LRP1: variants seen among roughly 807,000 people sequenced by gnomAD.
The protein encoded by LRP1 is LDL receptor related protein 1, also known as prolow-density lipoprotein receptor-related protein 1.
Under a neutral mutation model 541.5 loss-of-function variants are expected in LRP1, and 51 were observed. That is an observed-to-expected ratio of 0.09 (90% CI 0.08 to 0.12). LRP1 has a LOEUF of 0.12. Ranked by LOEUF, LRP1 falls within the 10% of genes least tolerant of loss-of-function variation. The probability of loss-of-function intolerance (pLI) is 1.00; values close to 1 mark genes in which losing one functional copy is unlikely to be tolerated. For missense variants in LRP1, 3,878 were observed against 6,376.2 expected, an observed-to-expected ratio of 0.61 and a Z score of 13.34; for synonymous variants, 2,219 against 2,470.8, an observed-to-expected ratio of 0.90 and a Z score of 3.02.
At chr12:57,200,640 A>C (rs1592656762) in intron 63 of LRP1, 59 bp from the exon 64 acceptor site, 1 of 1,552,308 alleles carries the variant, frequency 6.4e-7, no homozygotes, top group Non-Finnish European at 8.9e-7. Context: ...GGTGCCCTGC[A>C]AGTGGACCTG....
At position 57,173,053 on chromosome 12, in the gene LRP1, G is replaced by A; in HGVS notation, c.3164-115G>A. The stretch of plus-strand genomic sequence containing the variant: ...CAGCAAAGCTTGGCAGACTCTCCAG[G>A]CCTGCCTCTGCTCATATCCCCAGGC... On this transcript the variant is annotated intron_variant, in intron 20 of 88. Coordinates refer to ENST00000243077, the MANE Select transcript of LRP1 (RefSeq NM_002332.3). The surrounding 1 kb of genome is among the most constrained non-coding windows in gnomAD (Gnocchi z 4.7). 2 of 802,246 alleles carry A rather than the reference G, an allele frequency of 2.5e-6. No individual in the cohort carries two copies. The highest frequency in any genetic ancestry group is 3.9e-6 in the Non-Finnish European group (2 of 516,130). The allele number at this position is 802,246 out of a possible 1,614,324, so 49.7% of individuals were successfully genotyped here.
chr12:57,212,459 G>A lies in LRP1; in HGVS notation c.13539G>A (p.Gly4513=). Residue 4513 remains glycine (G), a synonymous_variant, in exon 89 of 89, where the codon GGG becomes GGA. Transcript: ENST00000243077. This position sits in a 1 kb window ranked among gnomAD's most constrained non-coding sequence, Gnocchi z 5.0. ...TNPVYATLYM[G]GHGSRHSLAS... is the part of the protein sequence containing the mutation. Reference sequence around the variant, plus strand: ...CCGTGTATGCCACACTCTACATGGGGGGCCATGGCAGTCGCCACTCCCTGG... The same window carrying A: ...CCGTGTATGCCACACTCTACATGGGAGGCCATGGCAGTCGCCACTCCCTGG... The A allele has an allele frequency of 6.2e-7, 1 of 1,614,122 alleles. No homozygotes were observed. The highest frequency in any genetic ancestry group is 8.5e-7 in the Non-Finnish European group (1 of 1,179,998).
intron 1 of LRP1, 175 bp downstream of exon 1, chr12:57,129,206 G>C: frequency 1.5e-6 from 1 of 649,396 alleles, no homozygotes; most frequent in Non-Finnish European, 2.7e-6. Flanking sequence ...TTGGGGGATG[G>C]GGGCCCTGGG....
chr12:57,130,971 C>A (rs1181421790), intron 1 of LRP1, among the ~76,000 whole-genome samples: 1 of 152,172 alleles, frequency 6.6e-6, no homozygotes, highest in Non-Finnish European at 1.5e-5. Flanking sequence ...ATCAGCTCCA[C>A]CCCACTCTTG....
rs2036205331 is a variant in LRP1 at position 57,183,338 on chromosome 12, G to A, written c.5663-41G>A. The A allele has an allele frequency of 1.9e-6, 3 of 1,581,562 alleles. No homozygotes were observed. Among genetic ancestry groups the A allele is most frequent in the Non-Finnish European group, 1.7e-6 (2 of 1,157,110 alleles). On this transcript the variant is annotated intron_variant, in intron 34 of 88. Transcript: ENST00000243077. This position sits in a 1 kb window ranked among gnomAD's most constrained non-coding sequence, Gnocchi z 6.1. ...GGTGACAGGAACCAAGTTTAAGGGA[G>A]TGTTGGCGATACCCATGCCTTAAGT...
chr12:57,212,326 G>A lies in LRP1; in HGVS notation c.13494+65G>A. ...GTGGGTGGCCTAACCAAAGGTGTTG[G>A]GTTAGGTGAGGGACGGAGGTGGGGG... On this transcript the variant is annotated intron_variant, in intron 88 of 88. Coordinates refer to ENST00000243077, the MANE Select transcript of LRP1 (RefSeq NM_002332.3). The surrounding 1 kb of genome is among the most constrained non-coding windows in gnomAD (Gnocchi z 5.0). 1 of 1,613,238 alleles carries A rather than the reference G, an allele frequency of 6.2e-7. No homozygotes were observed. The highest frequency in any genetic ancestry group is 8.5e-7 in the Non-Finnish European group (1 of 1,179,668).
At position 57,197,171 on chromosome 12, in the gene LRP1, A is replaced by T. The variant is rs1216710773; in HGVS notation, c.9076+6A>T. The stretch of plus-strand genomic sequence containing the variant: ...CAGCTGCAAGGCTGTGACTGGTGAG[A>T]TGCGCGCTTGGAGGGCATGAGGTGA... On this transcript the variant is annotated splice_donor_region_variant and intron_variant, in intron 56 of 88. Coordinates refer to ENST00000243077, the MANE Select transcript of LRP1 (RefSeq NM_002332.3). This position sits in a 1 kb window ranked among gnomAD's most constrained non-coding sequence, Gnocchi z 4.5. 1 of 1,613,886 alleles carries T rather than the reference A, an allele frequency of 6.2e-7. No homozygotes were observed. The highest frequency in any genetic ancestry group is 8.5e-7 in the Non-Finnish European group (1 of 1,179,994).
At position 57,185,291 on chromosome 12, in the gene LRP1, G is replaced by A; in HGVS notation, c.6463+86G>A. The A allele has an allele frequency of 1.9e-6, 3 of 1,555,688 alleles. No individual in the cohort carries two copies. The South Asian group carries it at 3.6e-5, about 19-fold the overall frequency. On this transcript the variant is annotated intron_variant, in intron 40 of 88. Transcript: ENST00000243077. This position sits in a 1 kb window ranked among gnomAD's most constrained non-coding sequence, Gnocchi z 4.9. ...CTCCCCAGGGAACCCAGTGTGAGAG[G>A]GCTGGGAGACAAGTTAGACCCATGG...
Position 57,203,401 on chromosome 12 carries a change from C to T in LRP1, c.10831C>T (p.Pro3611Ser). Residue 3611 changes from proline to serine, a missense_variant, in exon 70 of 89, where the codon CCC becomes TCC. Physicochemically the swap from Pro to Ser is moderately conservative, Grantham distance 74. This residue lies in a region of LRP1 where 278 missense variants were observed against 536.3 expected (regional missense o/e 0.52). Coordinates refer to ENST00000243077, the MANE Select transcript of LRP1 (RefSeq NM_002332.3). The part of the protein sequence containing the change: ...ADGSDEKDCT[P>S]RCDMDQFQCK... ...CCCATGCCCACAGAAAGACTGCACC[C>T]CCCGCTGTGACATGGACCAGTTCCA... 6.2e-7 allele frequency: 1 copy of T among 1,608,248 alleles called. No individual in the cohort carries two copies. The highest frequency in any genetic ancestry group is 2.2e-5 in the East Asian group (1 of 44,708).
Position 57,211,775 on chromosome 12 carries a change from C to G in LRP1, c.13219C>G (p.Arg4407Gly), listed in dbSNP as rs746302045. The G allele has an allele frequency of 6.2e-7, 1 of 1,612,906 alleles. No individual in the cohort carries two copies. Among genetic ancestry groups the G allele is most frequent in the Admixed American group, 1.7e-5 (1 of 60,004 alleles). The change falls in exon 86 of 89, where the codon CGG becomes GGG. Residue 4407 changes from arginine (R) to glycine (G), a missense_variant. Physicochemically the swap from Arg to Gly is moderately radical, Grantham distance 125 (BLOSUM62 -2). Coordinates refer to ENST00000243077, the MANE Select transcript of LRP1 (RefSeq NM_002332.3). This position sits in a 1 kb window ranked among gnomAD's most constrained non-coding sequence, Gnocchi z 4.3. ...CQCPPHMTGP[R>G]CEEHVFSQQQ... ...GTGCCCACCCCACATGACAGGGCCC[C>G]GGTGTGAGGAGCACGTCTTCAGCCA... is the stretch of plus-strand genomic sequence containing the variant.
rs2036864790 is a variant in LRP1 at position 57,209,693 on chromosome 12, C to T, written c.12264C>T (p.Gly4088=). 1.9e-6 allele frequency: 3 copies of T among 1,613,964 alleles called. No individual in the cohort carries two copies. The highest frequency in any genetic ancestry group is 2.5e-6 in the Non-Finnish European group (3 of 1,179,952). Residue 4088 remains glycine, a splice_region_variant and synonymous_variant, in exon 80 of 89, where the codon GGC becomes GGT. Transcript: ENST00000243077. ...DPIVAADSKR[G]LSHPFSIDVF... is the part of the protein sequence containing the mutation. ...CTCTGACTCCACCTCCTCCCCCAGG[C>T]CTAAGTCACCCCTTCAGCATCGACG...
At chr12:57,145,635 G>GTT in intron 6 of LRP1, 145 bp downstream of exon 6, 1 of 1,092,098 alleles carries the variant, frequency 9.2e-7, no homozygotes, top group Non-Finnish European at 1.3e-6. Flanking sequence ...AATGGTGTGT[G>GTT]TTTGAGGCAG....
chr12:57,166,414 T>TGCCGGG, intron 17 of LRP1: 1 of 607,408 alleles, frequency 1.6e-6, no homozygotes, highest in Non-Finnish European at 2.7e-6. Flanking sequence ...TTAAAAAAAC[T>TGCCGGG]GCCGGGCGTG....
In LRP1 at chr12:57,205,460, C is replaced by G. The variant is rs150228051; in HGVS notation, c.11445C>G (p.Thr3815=). ...AYCACRSGFH[T]VPGQPGCQDI... ...GTGCCTGCCGCTCGGGCTTCCACAC[C>G]GTGCCCGGCCAGCCCGGATGCCAAG... The change falls in exon 74 of 89, where the codon ACC becomes ACG. Residue 3815 remains threonine, a synonymous_variant. Coordinates refer to ENST00000243077, the MANE Select transcript of LRP1 (RefSeq NM_002332.3). The surrounding 1 kb of genome is among the most constrained non-coding windows in gnomAD (Gnocchi z 4.6). The G allele has an allele frequency of 1.2e-6, 2 of 1,611,054 alleles. No individual in the cohort carries two copies. The highest frequency in any genetic ancestry group is 2.2e-5 in the East Asian group (1 of 44,824).
Position 57,158,380 on chromosome 12 carries a change from C to G in LRP1, c.1562-22C>G. On this transcript the variant is annotated intron_variant, in intron 10 of 88. Transcript: ENST00000243077. This position sits in a 1 kb window ranked among gnomAD's most constrained non-coding sequence, Gnocchi z 5.3. ...ATGGTCATGTGTGTGTCTGACTGTACCCTGGCTTGTGCCTGCTCTAGAGCC... is the reference window on the plus strand; with the variant it reads ...ATGGTCATGTGTGTGTCTGACTGTAGCCTGGCTTGTGCCTGCTCTAGAGCC... The G allele has an allele frequency of 6.3e-7, 1 of 1,576,832 alleles. No homozygotes were observed.
chr12:57,152,155 C>T (rs1057383830), intron 6 of LRP1, among the ~76,000 whole-genome samples: 3 of 152,068 alleles, frequency 2.0e-5, no homozygotes, highest in Non-Finnish European at 4.4e-5. Context: ...TGGAGCTGCA[C>T]CTGGGATAGC....
At chr12:57,195,438 T>A in intron 52 of LRP1, 39 bp downstream of exon 52, 1 of 1,595,952 alleles carries the variant, frequency 6.3e-7, no homozygotes, top group Non-Finnish European at 8.5e-7. Context: ...GGACAGCAAA[T>A]GGCCACAGTC....
chr12:57,173,096 CAGGG>C lies in LRP1; in HGVS notation c.3164-71_3164-68del. The C allele has an allele frequency of 1.5e-6, 2 of 1,318,720 alleles. No individual in the cohort carries two copies. Among genetic ancestry groups the C allele is most frequent in the East Asian group, 4.7e-5 (2 of 42,616 alleles). 81.7% of individuals were successfully genotyped at this position (1,318,720 alleles called of 1,614,324 possible). ...CCCCAGGCTGGGCTTACCGGGGTGG[CAGGG>C]CACAGGGATGAGGAGGGCTGACCTG... On this transcript the variant is annotated intron_variant, in intron 20 of 88. Transcript: ENST00000243077. This position sits in a 1 kb window ranked among gnomAD's most constrained non-coding sequence, Gnocchi z 4.7.
rs2035824919 is a variant in LRP1, at chr12:57,165,748, T to C, written c.2531-57T>C. 1.3e-6 allele frequency: 2 copies of C among 1,584,442 alleles called. No homozygotes were observed. Among genetic ancestry groups the C allele is most frequent in the East Asian group, 4.5e-5 (2 of 44,252 alleles). ...AACAAAAATGGTGCAAAGGGCTTAG[T>C]ACTTGTCCCACGACCGGGGTCTGAC... On this transcript the variant is annotated intron_variant, in intron 15 of 88. Coordinates refer to ENST00000243077, the MANE Select transcript of LRP1 (RefSeq NM_002332.3). This position sits in a 1 kb window ranked among gnomAD's most constrained non-coding sequence, Gnocchi z 4.5.
Sources: gnomAD v4.1 joint callset for allele counts (sites outside exome capture counted in the v4.1 genomes callset) on GRCh38, gnomAD v4.1.1 for gene constraint, gnomAD v4.1.1 regional missense constraint, Gnocchi (gnomAD v3.1) non-coding constraint, MANE v1.5 for transcripts, NCBI Gene and HGNC (gene_info 2026-07-23, HGNC 2026-07-21) for gene names.